The following ADGRL3 variants were observed in gnomAD, a reference collection of about 807,000 sequenced individuals.
The protein encoded by ADGRL3 is calcium-independent alpha-latrotoxin receptor 3.
A neutral mutation model predicts 153.5 loss-of-function variants in ADGRL3; 62 were observed. The observed-to-expected ratio is 0.40, with a 90% CI of 0.33 to 0.50. ADGRL3 has a LOEUF of 0.50. Ranked by LOEUF, ADGRL3 falls within the 20% of genes least tolerant of loss-of-function variation. ADGRL3 has a pLI of 0.47. For missense variants in ADGRL3, 1,641 were observed against 1,859.4 expected (o/e 0.88, Z 2.16); for synonymous variants, 710 against 672.5 (o/e 1.06, Z -0.86).
At position 61,733,053 on chromosome 4, in the gene ADGRL3, G is replaced by A. The variant is rs529635872; in HGVS notation, c.898G>A (p.Asp300Asn). ...GCGCACCAGGAACATAGTAAAGTTT[G>A]ATTTGCGGACTAGGATAAAGAGTGG... ...KERTRNIVKF[D>N]LRTRIKSGEA... Residue 300 changes from aspartate to asparagine, a missense_variant, in exon 8 of 27, where the codon GAT becomes AAT. Transcript: ENST00000683033. 1 of 1,613,684 alleles carries A rather than the reference G, an allele frequency of 6.2e-7. No homozygotes were observed. The highest frequency in any genetic ancestry group is 2.2e-5 in the East Asian group (1 of 44,864).
At chr4:61,371,904 A>T (rs998080043) in intron 1 of ADGRL3, among the ~76,000 whole-genome samples, 1 of 152,088 alleles carries the variant, frequency 6.6e-6, no homozygotes, top group African/African-American at 2.4e-5. Flanking sequence ...ACATAGTCCC[A>T]TATTTCTTGG....
intron 2 of ADGRL3, among the ~76,000 whole-genome samples, chr4:61,417,015 C>G (rs545142253): frequency 5.3e-5 from 8 of 152,112 alleles, no homozygotes; most frequent in Non-Finnish European, 8.8e-5. Flanking sequence ...AGATCCCTCC[C>G]ATGCACACTT....
chr4:61,202,584 G>A lies in ADGRL3; in HGVS notation c.-240+819G>A, dbSNP rs1227047682. ...GGGTGGGCAGAGCATTGGTGGTCGC[G>A]GTTGGCGGGTTACAGGTAGGAGAGA... On this transcript the variant is annotated intron_variant, in intron 1 of 26. Coordinates refer to ENST00000683033, the MANE Select transcript of ADGRL3 (RefSeq NM_001387552.1). This position sits in a 1 kb window ranked among gnomAD's most constrained non-coding sequence, Gnocchi z 5.0. 6.6e-6 allele frequency among the ~76,000 whole-genome samples: 1 copy of A among 152,104 alleles called. No homozygotes were observed. The highest frequency in any genetic ancestry group is 1.5e-5 in the Non-Finnish European group (1 of 68,024).
At position 62,072,577 on chromosome 4, in the gene ADGRL3, G is replaced by A. The variant is rs1746031260; in HGVS notation, c.*1669G>A. 1 of 152,238 alleles carries A rather than the reference G, an allele frequency of 6.6e-6. No homozygotes were observed. Among genetic ancestry groups the A allele is most frequent in the Non-Finnish European group, 1.5e-5 (1 of 68,016 alleles). 9.4% of individuals were successfully genotyped at this position (152,238 alleles called of 1,614,324 possible). On this transcript the variant is annotated 3_prime_UTR_variant, in exon 27 of 27. Transcript: ENST00000683033. ...TGAGCCATGCAAAAGAAATCAATCT[G>A]CCTAGATGAATAAGCTAAGCACAAA... is the stretch of plus-strand genomic sequence containing the variant.
intron 1 of ADGRL3, among the ~76,000 whole-genome samples, chr4:61,310,511 T>C (rs1186876299): frequency 2.0e-5 from 3 of 152,104 alleles, no homozygotes; most frequent in African/African-American, 4.8e-5. Context: ...GATCAATCCA[T>C]TGGGACACAC....
chr4:62,064,429 A>G (rs1280373908), intron 25 of ADGRL3, among the ~76,000 whole-genome samples: 1 of 152,028 alleles, frequency 6.6e-6, no homozygotes, highest in African/African-American at 2.4e-5. Flanking sequence ...AAAATGTGTT[A>G]GGAACACAGA....
At chr4:61,364,222 G>T (rs1020038733) in intron 1 of ADGRL3, among the ~76,000 whole-genome samples, 1 of 151,522 alleles carries the variant, frequency 6.6e-6, no homozygotes, top group African/African-American at 2.4e-5. Flanking sequence ...AGTCCCAGCT[G>T]CTCAGGAGGC....
intron 3 of ADGRL3, among the ~76,000 whole-genome samples, chr4:61,509,247 C>T (rs1258468584): frequency 6.6e-6 from 1 of 151,492 alleles, no homozygotes; most frequent in African/African-American, 2.4e-5. Flanking sequence ...CCTGCCTCAG[C>T]CTCCTAAGTA....
chr4:61,931,997 A>T (rs938751348), intron 13 of ADGRL3, among the ~76,000 whole-genome samples: 3 of 152,030 alleles, frequency 2.0e-5, no homozygotes, highest in African/African-American at 7.2e-5. Flanking sequence ...TAGTTTATAT[A>T]TATATATATT....
chr4:61,671,829 A>C (rs1489792442), intron 5 of ADGRL3, among the ~76,000 whole-genome samples: 1 of 152,158 alleles, frequency 6.6e-6, no homozygotes, highest in Non-Finnish European at 1.5e-5. Context: ...ACAAGACAGC[A>C]GTATCATGAT....
At chr4:61,224,870 C>A (rs939093819) in intron 1 of ADGRL3, among the ~76,000 whole-genome samples, 1 of 152,086 alleles carries the variant, frequency 6.6e-6, no homozygotes, top group African/African-American at 2.4e-5. Context: ...TCTGTAGGGG[C>A]GATGGAGCTT....
At chr4:61,938,651 G>A (rs1217830150) in intron 15 of ADGRL3, among the ~76,000 whole-genome samples, 1 of 151,956 alleles carries the variant, frequency 6.6e-6, no homozygotes, top group Non-Finnish European at 1.5e-5. Flanking sequence ...TGCTGCTATT[G>A]CTGTACCACT....
At chr4:61,355,804 A>G (rs530534419) in intron 1 of ADGRL3, among the ~76,000 whole-genome samples, 16 of 152,208 alleles carry the variant, frequency 1.1e-4, no homozygotes, top group African/African-American at 3.1e-4. Context: ...CAGTTTTTCA[A>G]TAAGTGTTGA....
intron 8 of ADGRL3, among the ~76,000 whole-genome samples, chr4:61,735,851 C>G (rs561400439): frequency 5.3e-5 from 8 of 152,020 alleles, no homozygotes; most frequent in Non-Finnish European, 1.2e-4. Context: ...AAGTTCTTAA[C>G]TCAGTTTTAT....
intron 6 of ADGRL3, among the ~76,000 whole-genome samples, chr4:61,718,762 G>T (rs4860426): frequency 0.47 from 70,613 of 151,818 alleles, 16,827 homozygotes; most frequent in Admixed American, 0.55. Flanking sequence ...TTCTTTTTAT[G>T]ACCCTTCTAC....
intron 1 of ADGRL3, among the ~76,000 whole-genome samples, chr4:61,239,553 A>C (rs1754140658): frequency 6.6e-6 from 1 of 152,056 alleles, no homozygotes; most frequent in Non-Finnish European, 1.5e-5. Context: ...GAGTGAACAG[A>C]ATGATTGACA....
At chr4:61,769,629 T>A (rs1423582675) in intron 8 of ADGRL3, among the ~76,000 whole-genome samples, 1 of 152,040 alleles carries the variant, frequency 6.6e-6, no homozygotes, top group African/African-American at 2.4e-5. Context: ...GCAGGCAGGC[T>A]GAGTCCGAAA....
chr4:61,761,991 A>G (rs1158684978), intron 8 of ADGRL3, among the ~76,000 whole-genome samples: 1 of 152,232 alleles, frequency 6.6e-6, no homozygotes, highest in Non-Finnish European at 1.5e-5. Flanking sequence ...CCTGTACTTC[A>G]GAGTATTTAT....
intron 1 of ADGRL3, among the ~76,000 whole-genome samples, chr4:61,371,327 G>A (rs370002896): frequency 5.8e-4 from 87 of 151,146 alleles, no homozygotes; most frequent in South Asian, 1.1e-3. Context: ...TCCTAGTCTC[G>A]ATGGTCTTTA....
Sources: allele counts gnomAD v4.1 joint callset (sites outside exome capture counted in the v4.1 genomes callset), GRCh38; gene constraint gnomAD v4.1.1; non-coding constraint Gnocchi (gnomAD v3.1); transcripts MANE v1.5; gene names NCBI Gene and HGNC (gene_info 2026-07-23, HGNC 2026-07-21).